HSD17B12: variants seen among roughly 807,000 people sequenced by gnomAD.
HSD17B12 encodes the protein very-long-chain 3-oxoacyl-CoA reductase.
Under a neutral mutation model 39.3 loss-of-function variants are expected in HSD17B12, and 32 were observed. The ratio of observed to expected loss-of-function variants is 0.81; its 90% CI spans 0.61 to 1.09. The LOEUF (loss-of-function observed/expected upper bound fraction) is 1.09. Ranked by LOEUF, HSD17B12 falls within the 50% of genes least tolerant of loss-of-function variation. The probability of loss-of-function intolerance (pLI) is 0.00; values close to 1 mark genes in which losing one functional copy is unlikely to be tolerated. For missense variants in HSD17B12, 342 were observed against 382.9 expected (o/e 0.89, Z 0.89); for synonymous variants, 150 against 146.7 (o/e 1.02, Z -0.16).
chr11:43,755,220 A>G (rs1950498304), intron 3 of HSD17B12: 1 of 200,010 alleles, frequency 5.0e-6, no homozygotes, highest in African/African-American at 2.3e-5. Flanking sequence ...AAAAGTGAGT[A>G]AAATTACTTC....
Position 43,854,742 on chromosome 11 carries a change from A to C in HSD17B12, c.712A>C (p.Lys238Gln), listed in dbSNP as rs758426522. 6.8e-6 allele frequency: 11 copies of C among 1,614,088 alleles called. No individual in the cohort carries two copies. Among genetic ancestry groups the C allele is most frequent in the Non-Finnish European group, 9.3e-6 (11 of 1,180,032 alleles). Residue 238 changes from lysine (K) to glutamine (Q), a missense_variant, in exon 10 of 11, where the codon AAA becomes CAA. Lys to Gln is a moderately conservative substitution (Grantham distance 53). Coordinates refer to ENST00000278353, the MANE Select transcript of HSD17B12 (RefSeq NM_016142.3). Reference sequence around the variant, plus strand: ...TGTCCTGCCATACTTCGTAGCTACAAAACTGGCTAAAATCCGGAAGCCAAC... The same window carrying C: ...TGTCCTGCCATACTTCGTAGCTACACAACTGGCTAAAATCCGGAAGCCAAC... The part of the protein sequence containing the change: ...QSVLPYFVAT[K>Q]LAKIRKPTLD...
the HSD17B12 span, among the ~76,000 whole-genome samples, chr11:43,568,419 T>G: frequency 0.64 from 96,909 of 151,484 alleles, 31,526 homozygotes; most frequent in East Asian, 0.88. Context: ...TTGTTTGTTT[T>G]TTTTTTAATT....
chr11:43,692,733 T>C (rs1949874145), intron 1 of HSD17B12, among the ~76,000 whole-genome samples: 1 of 152,234 alleles, frequency 6.6e-6, no homozygotes, highest in Non-Finnish European at 1.5e-5. Context: ...TTTTTAATTT[T>C]GAAATTGTGA....
At chr11:43,761,452 T>C (rs1330948534) in intron 3 of HSD17B12, among the ~76,000 whole-genome samples, 1 of 152,258 alleles carries the variant, frequency 6.6e-6, no homozygotes, top group Non-Finnish European at 1.5e-5. Context: ...ATATTTCAGC[T>C]ACTGTTGCAG....
At chr11:43,593,533 C>A in the HSD17B12 span, among the ~76,000 whole-genome samples, 1 of 152,124 alleles carries the variant, frequency 6.6e-6, no homozygotes. Flanking sequence ...GAAATCCCAA[C>A]TAAAATGGTT....
chr11:43,685,297 T>C (rs1565047286), intron 1 of HSD17B12, among the ~76,000 whole-genome samples: 2 of 10,560 alleles, frequency 1.9e-4, no homozygotes, highest in Non-Finnish European at 1.1e-3. Context: ...ATCAAAGGAT[T>C]CTCAAAATCA....
At chr11:43,691,517 C>T (rs1949862294) in intron 1 of HSD17B12, among the ~76,000 whole-genome samples, 1 of 152,198 alleles carries the variant, frequency 6.6e-6, no homozygotes, top group African/African-American at 2.4e-5. Context: ...GAATCTACCA[C>T]TACAGTCTCT....
At chr11:43,586,047 C>A in the HSD17B12 span, among the ~76,000 whole-genome samples, 1 of 152,154 alleles carries the variant, frequency 6.6e-6, no homozygotes, top group African/African-American at 2.4e-5. Context: ...GTGATTTTAC[C>A]AAGGTCACAC....
chr11:43,772,940 A>G lies in HSD17B12; in HGVS notation c.283+18819A>G, dbSNP rs200348892. 3.9e-5 allele frequency among the ~76,000 whole-genome samples: 6 copies of G among 152,228 alleles called. No homozygotes were observed. In the East Asian group the frequency reaches 1.2e-3, roughly 29 times the overall value. On this transcript the variant is annotated intron_variant, in intron 3 of 10. Coordinates refer to ENST00000278353, the MANE Select transcript of HSD17B12 (RefSeq NM_016142.3). The stretch of plus-strand genomic sequence containing the variant: ...AGCCTGGGCAATATAGTGAGACCCC[A>G]TCTCTACAAAAATACAAAAAAATAG...
At chr11:43,779,948 A>G (rs1350523170) in intron 3 of HSD17B12, among the ~76,000 whole-genome samples, 1 of 152,072 alleles carries the variant, frequency 6.6e-6, no homozygotes, top group Non-Finnish European at 1.5e-5. Context: ...TTTTATCCTA[A>G]TTGGCTGCAG....
At chr11:43,623,906 CA>C in the HSD17B12 span, among the ~76,000 whole-genome samples, 2 of 151,960 alleles carry the variant, frequency 1.3e-5, no homozygotes, top group African/African-American at 4.8e-5. Context: ...GTAAGAATTA[CA>C]ATTCAAAATG....
Position 43,812,489 on chromosome 11 carries a change from T to A in HSD17B12, c.392-2948T>A, listed in dbSNP as rs531909493. On this transcript the variant is annotated intron_variant, in intron 4 of 10. Coordinates refer to ENST00000278353, the MANE Select transcript of HSD17B12 (RefSeq NM_016142.3). ...ATGATTGGTGATGAGCATTTTTTCATTTATCTGCTGGCCATTTGTATGTCT... is the reference window on the plus strand; with the variant it reads ...ATGATTGGTGATGAGCATTTTTTCAATTATCTGCTGGCCATTTGTATGTCT... Among the ~76,000 whole-genome samples the A allele has an allele frequency of 2.6e-5, 4 of 152,366 alleles. No individual in the cohort carries two copies. In the South Asian group the frequency reaches 8.3e-4, roughly 32 times the overall value.
chr11:43,557,390 T>G, the HSD17B12 span, among the ~76,000 whole-genome samples: 2 of 152,168 alleles, frequency 1.3e-5, no homozygotes, highest in African/African-American at 2.4e-5. Context: ...CTTCATGAAG[T>G]CAGAGAAAAG....
At chr11:43,613,306 T>C in the HSD17B12 span, among the ~76,000 whole-genome samples, 1 of 151,732 alleles carries the variant, frequency 6.6e-6, no homozygotes, top group African/African-American at 2.4e-5. Flanking sequence ...GTATGGAAAC[T>C]GCTTGAGCCT....
At chr11:43,743,595 A>T (rs1330562087) in intron 1 of HSD17B12, among the ~76,000 whole-genome samples, 1 of 152,228 alleles carries the variant, frequency 6.6e-6, no homozygotes, top group African/African-American at 2.4e-5. Flanking sequence ...CTGAGAACAG[A>T]GGATGAGTAA....
the HSD17B12 span, among the ~76,000 whole-genome samples, chr11:43,567,433 G>A: frequency 6.6e-6 from 1 of 152,178 alleles, no homozygotes; most frequent in Admixed American, 6.5e-5. Context: ...AAGCAGAACC[G>A]GGTCCAGGTC....
intron 3 of HSD17B12, among the ~76,000 whole-genome samples, chr11:43,767,078 G>T (rs1178459255): frequency 6.6e-6 from 1 of 152,142 alleles, no homozygotes; most frequent in Non-Finnish European, 1.5e-5. Context: ...AGGGATGTGG[G>T]AGTGTACTCC....
intron 1 of HSD17B12, among the ~76,000 whole-genome samples, chr11:43,686,328 CT>C (rs1385301341): frequency 1.4e-4 from 22 of 152,132 alleles, no homozygotes; most frequent in African/African-American, 5.3e-4. Flanking sequence ...TTATTCTGCC[CT>C]TTGGCTCCCG....
the HSD17B12 span, among the ~76,000 whole-genome samples, chr11:43,609,494 T>C: frequency 0.16 from 23,888 of 151,604 alleles, 2,041 homozygotes; most frequent in Middle Eastern, 0.26. Context: ...GCCTCCCAAG[T>C]AACTAGGATT....
Sources: allele counts gnomAD v4.1 joint callset (sites outside exome capture counted in the v4.1 genomes callset), GRCh38; gene constraint gnomAD v4.1.1; transcripts MANE v1.5; gene names NCBI Gene and HGNC (gene_info 2026-07-23, HGNC 2026-07-21).